CMIP: variants seen among roughly 807,000 people sequenced by gnomAD.
CMIP encodes C-Maf-inducing protein.
CMIP carries 13 observed loss-of-function variants against 97.3 expected under a neutral mutation model. The observed-to-expected ratio is 0.13, with a 90% CI of 0.09 to 0.21. CMIP has a LOEUF of 0.21. Among genes scored for constraint, CMIP ranks in the 10% least tolerant of loss-of-function variants. The pLI, the probability that CMIP is intolerant of heterozygous loss-of-function variation, is 1.00. For missense variants in CMIP, 847 were observed against 1,024.9 expected (o/e 0.83, Z 2.37); for synonymous variants, 538 against 436.3 (o/e 1.23, Z -2.91).
At chr16:81,620,676 A>C in intron 2 of CMIP, 200 bp from the exon 3 acceptor site, 1 of 577,418 alleles carries the variant, frequency 1.7e-6, no homozygotes, top group Non-Finnish European at 3.1e-6. Flanking sequence ...TGTTTTTAGG[A>C]AATCCTCCCT....
At position 81,660,834 on chromosome 16, in the gene CMIP, T is replaced by A. The variant is rs376451801; in HGVS notation, c.682-50T>A. 4 of 1,602,680 alleles carry A rather than the reference T, an allele frequency of 2.5e-6. No homozygotes were observed. In the African/African-American group the frequency reaches 5.4e-5, roughly 21 times the overall value. On this transcript the variant is annotated intron_variant, in intron 5 of 20. Coordinates refer to ENST00000537098, the MANE Select transcript of CMIP (RefSeq NM_198390.3). ...TGGCCTGGAGATTGTTCGAAGTCTTTCCGTGGCTATCTACCCCACGGTTCC... is the reference window on the plus strand; with the variant it reads ...TGGCCTGGAGATTGTTCGAAGTCTTACCGTGGCTATCTACCCCACGGTTCC...
chr16:81,568,527 G>A (rs150997772), intron 1 of CMIP, among the ~76,000 whole-genome samples: 1 of 152,348 alleles, frequency 6.6e-6, no homozygotes, highest in Non-Finnish European at 1.5e-5. Flanking sequence ...GGAGCTCCAG[G>A]GACTAGGGGT....
At chr16:81,649,155 A>C (rs1056955036) in intron 3 of CMIP, among the ~76,000 whole-genome samples, 15 of 152,342 alleles carry the variant, frequency 9.8e-5, no homozygotes, top group Middle Eastern at 3.4e-3. Context: ...AAGAGCTAGC[A>C]CTGTGCTGGC....
intron 9 of CMIP, among the ~76,000 whole-genome samples, chr16:81,674,962 AAAAG>A (rs143904062): frequency 0.053 from 8,031 of 152,066 alleles, 239 homozygotes; most frequent in African/African-American, 0.083. Context: ...TCAATTTAAA[AAAAG>A]AAAGAAAGAA....
chr16:81,600,810 G>A (rs568984343), intron 1 of CMIP, among the ~76,000 whole-genome samples: 3 of 152,310 alleles, frequency 2.0e-5, no homozygotes, highest in East Asian at 1.9e-4. Flanking sequence ...TTCTCCCAGC[G>A]CAAGCCACTT....
intron 1 of CMIP, among the ~76,000 whole-genome samples, chr16:81,487,829 G>A (rs1009625682): frequency 6.6e-6 from 1 of 152,188 alleles, no homozygotes; most frequent in African/African-American, 2.4e-5. Flanking sequence ...GCTTCAGGGG[G>A]CTTAGCCCAG....
chr16:81,587,749 C>T (rs2091405709), intron 1 of CMIP, among the ~76,000 whole-genome samples: 2 of 152,312 alleles, frequency 1.3e-5, no homozygotes, highest in Non-Finnish European at 2.9e-5. Context: ...CCCCTGACTT[C>T]AGGGAGCAGA....
intron 1 of CMIP, among the ~76,000 whole-genome samples, chr16:81,569,453 G>A (rs550231650): frequency 6.6e-6 from 1 of 152,180 alleles, no homozygotes; most frequent in African/African-American, 2.4e-5. Context: ...CTCCCAGAGG[G>A]ACATGGCACT....
chr16:81,554,671 G>A (rs1319685845), intron 1 of CMIP, among the ~76,000 whole-genome samples: 2 of 152,156 alleles, frequency 1.3e-5, no homozygotes, highest in Non-Finnish European at 1.5e-5. Flanking sequence ...GTCAGCAGGT[G>A]CCTTTTTTCC....
chr16:81,590,431 C>T (rs548685023), intron 1 of CMIP, among the ~76,000 whole-genome samples: 61 of 152,310 alleles, frequency 4.0e-4, no homozygotes, highest in South Asian at 8.3e-4. Flanking sequence ...TCACCTTGTC[C>T]GGGGTCCTGG....
intron 4 of CMIP, among the ~76,000 whole-genome samples, chr16:81,656,133 C>T (rs1275999612): frequency 6.6e-6 from 1 of 152,216 alleles, no homozygotes; most frequent in Non-Finnish European, 1.5e-5. Context: ...CCAACCTCAC[C>T]TAGGTCAGGA....
At chr16:81,629,581 C>T (rs1054254956) in intron 3 of CMIP, among the ~76,000 whole-genome samples, 6 of 152,210 alleles carry the variant, frequency 3.9e-5, no homozygotes, top group Non-Finnish European at 7.3e-5. Context: ...GACCTTTTTA[C>T]GATCACTTCA....
At chr16:81,520,569 G>GGAGAGAGAGAGAGAGAGAGAGAGAGAGA in intron 1 of CMIP, 2 of 107,004 alleles carry the variant, frequency 1.9e-5, no homozygotes, top group East Asian at 5.4e-4. Flanking sequence ...GGAGGAAGGG[G>GGAGAGAGAGAGAGAGAGAGAGAGAGAGA]GAGAGAGAGA....
chr16:81,515,950 G>A (rs984822139), intron 1 of CMIP, among the ~76,000 whole-genome samples: 2 of 152,194 alleles, frequency 1.3e-5, no homozygotes, highest in East Asian at 1.9e-4. Flanking sequence ...CCCACTGGAC[G>A]GACCCTATGG....
chr16:81,450,000 G>A (rs950181162), intron 1 of CMIP, among the ~76,000 whole-genome samples: 2 of 152,262 alleles, frequency 1.3e-5, no homozygotes, highest in Admixed American at 6.5e-5. Flanking sequence ...GGTGACAGAG[G>A]TGGCAGTTGC....
intron 2 of CMIP, among the ~76,000 whole-genome samples, chr16:81,615,006 G>A (rs547117163): frequency 1.4e-5 from 2 of 143,878 alleles, no homozygotes; most frequent in African/African-American, 5.1e-5. Context: ...GTGTCTATAT[G>A]TGATGTCTCT....
At chr16:81,603,336 C>A (rs1051094769) in intron 1 of CMIP, 2 of 452,714 alleles carry the variant, frequency 4.4e-6, no homozygotes, top group South Asian at 3.1e-5. Flanking sequence ...CCCACCTTGG[C>A]CTCCCAAAGT....
At position 81,616,022 on chromosome 16, in the gene CMIP, G is replaced by A. The variant is rs1004318101; in HGVS notation, c.427-4854G>A. On this transcript the variant is annotated intron_variant, in intron 2 of 20. Coordinates refer to ENST00000537098, the MANE Select transcript of CMIP (RefSeq NM_198390.3). The surrounding 1 kb of genome is among the most constrained non-coding windows in gnomAD (Gnocchi z 4.7). ...CGTCGCACTGGGGCAGAAGGAGCCG[G>A]GCGCGGTGGGTGGGAGATCTTGGCT... Among the ~76,000 whole-genome samples, 1 of 152,132 alleles carries A rather than the reference G, an allele frequency of 6.6e-6. No homozygotes were observed. The highest frequency in any genetic ancestry group is 2.4e-5 in the African/African-American group (1 of 41,424).
chr16:81,621,129 C>T lies in CMIP; in HGVS notation c.477+203C>T, dbSNP rs1173727406. 3.6e-6 allele frequency: 2 copies of T among 560,646 alleles called. No individual in the cohort carries two copies. The highest frequency in any genetic ancestry group is 6.4e-6 in the Non-Finnish European group (2 of 313,424). The allele number at this position is 560,646 out of a possible 1,614,324, so 34.7% of individuals were successfully genotyped here. ...CCTGTCCCCTGCAGTGCTGAAATAG[C>T]ATTCTCGCCCTGGTGTTCTCAAACC... is the stretch of plus-strand genomic sequence containing the variant. On this transcript the variant is annotated intron_variant, in intron 3 of 20. Transcript: ENST00000537098. The surrounding 1 kb of genome is among the most constrained non-coding windows in gnomAD (Gnocchi z 4.1).
Sources: allele counts gnomAD v4.1 joint callset (sites outside exome capture counted in the v4.1 genomes callset), GRCh38; gene constraint gnomAD v4.1.1; non-coding constraint Gnocchi (gnomAD v3.1); transcripts MANE v1.5; gene names NCBI Gene and HGNC (gene_info 2026-07-23, HGNC 2026-07-21).